Variants in TOP1 observed in about 807,000 individuals in gnomAD.
The protein encoded by TOP1 is DNA topoisomerase 1.
In TOP1, 10 loss-of-function variants were observed where a neutral mutation model predicts 111.1. The ratio of observed to expected loss-of-function variants is 0.09; its 90% CI spans 0.06 to 0.15. The LOEUF (loss-of-function observed/expected upper bound fraction) is 0.15. Among genes scored for constraint, TOP1 ranks in the 10% least tolerant of loss-of-function variants. The pLI, the probability that TOP1 is intolerant of heterozygous loss-of-function variation, is 1.00. For missense variants in TOP1, 474 were observed against 926.7 expected (o/e 0.51, Z 6.34); for synonymous variants, 271 against 302.9 (o/e 0.89, Z 1.10).
intron 2 of TOP1, among the ~76,000 whole-genome samples, chr20:41,059,892 G>GTATA (rs1277827996): frequency 6.6e-6 from 1 of 152,118 alleles, no homozygotes; most frequent in Non-Finnish European, 1.5e-5. Context: ...ACCAAAGAAG[G>GTATA]TATATGAGAG....
At chr20:41,087,465 G>A (rs757789459) in intron 8 of TOP1, among the ~76,000 whole-genome samples, 1 of 152,232 alleles carries the variant, frequency 6.6e-6, no homozygotes, top group Non-Finnish European at 1.5e-5. Flanking sequence ...CAGGTGTTAG[G>A]TGTGACTTTA....
chr20:41,070,830 A>G (rs759491942), intron 3 of TOP1, among the ~76,000 whole-genome samples: 2 of 152,232 alleles, frequency 1.3e-5, no homozygotes, highest in Non-Finnish European at 2.9e-5. Flanking sequence ...AGTCAAGTGC[A>G]TGACCCTGGA....
chr20:41,029,317 C>A lies in TOP1; in HGVS notation c.34-114C>A. On this transcript the variant is annotated intron_variant, in intron 1 of 20. Coordinates refer to ENST00000361337, the MANE Select transcript of TOP1 (RefSeq NM_003286.4). This position sits in a 1 kb window ranked among gnomAD's most constrained non-coding sequence, Gnocchi z 6.1. ...GATGGCTGCCCTCTGTGGCCACCCC[C>A]GGGTCCCCGTCCTCCCCGGGGGCGC... is the stretch of plus-strand genomic sequence containing the variant. The A allele has an allele frequency of 1.0e-6, 1 of 1,000,934 alleles. No homozygotes were observed. The allele number at this position is 1,000,934 out of a possible 1,614,324, so 62.0% of individuals were successfully genotyped here. A position where few individuals can be genotyped will look rare whatever the true frequency, so the allele number is the denominator to read the frequency against.
At chr20:41,036,387 T>A (rs896407102) in intron 2 of TOP1, among the ~76,000 whole-genome samples, 1 of 152,288 alleles carries the variant, frequency 6.6e-6, no homozygotes, top group South Asian at 2.1e-4. Flanking sequence ...TCGAGATAAG[T>A]CCCTGTTCTT....
chr20:41,064,627 G>T (rs1481361772), intron 3 of TOP1, among the ~76,000 whole-genome samples: 1 of 152,136 alleles, frequency 6.6e-6, no homozygotes, highest in East Asian at 1.9e-4. Context: ...TAAACATGCT[G>T]TTGGTTCTGT....
chr20:41,080,178 T>C lies in TOP1; in HGVS notation c.429T>C (p.Asp143=), dbSNP rs1309319018. The change falls in exon 6 of 21, where the codon GAT becomes GAC. Residue 143 remains aspartate, a splice_region_variant and synonymous_variant. Coordinates refer to ENST00000361337, the MANE Select transcript of TOP1 (RefSeq NM_003286.4). This position sits in a 1 kb window ranked among gnomAD's most constrained non-coding sequence, Gnocchi z 5.0. The part of the protein sequence containing the change: ...IKPLKRPRDE[D]DADYKPKKIK... ...CATTAAAGAGACCTCGAGATGAGGA[T>C]GAGTGAGTATTTTCTTAAAACTTTG... 8 of 1,568,944 alleles carry C rather than the reference T, an allele frequency of 5.1e-6. No individual in the cohort carries two copies. The highest frequency in any genetic ancestry group is 6.1e-6 in the Non-Finnish European group (7 of 1,150,240).
chr20:41,113,673 C>A (rs1186951748), intron 14 of TOP1, among the ~76,000 whole-genome samples: 8 of 146,760 alleles, frequency 5.5e-5, no homozygotes, highest in Admixed American at 2.1e-4. Context: ...GTCAAGAGAC[C>A]ATCCTGGCCA....
In TOP1 at chr20:41,095,249, A is replaced by G. The variant is rs953181029; in HGVS notation, c.731-1971A>G. Among the ~76,000 whole-genome samples, 1 of 152,122 alleles carries G rather than the reference A, an allele frequency of 6.6e-6. No homozygotes were observed. Among genetic ancestry groups the G allele is most frequent in the African/African-American group, 2.4e-5 (1 of 41,436 alleles). On this transcript the variant is annotated intron_variant, in intron 9 of 20. Coordinates refer to ENST00000361337, the MANE Select transcript of TOP1 (RefSeq NM_003286.4). This position sits in a 1 kb window ranked among gnomAD's most constrained non-coding sequence, Gnocchi z 4.6. ...TTTTTAATAGAGACAGGGTTTTACC[A>G]TGTTGGTCAAGCTGGTCTGGAACTC...
Position 41,118,060 on chromosome 20 carries a change from G to A in TOP1, c.1823-109G>A, listed in dbSNP as rs2034362243. On this transcript the variant is annotated intron_variant, in intron 17 of 20. Transcript: ENST00000361337. This position sits in a 1 kb window ranked among gnomAD's most constrained non-coding sequence, Gnocchi z 4.6. Reference sequence around the variant, plus strand: ...CAATTTGAATTAATCATCTGAGTAAGATAAGAGCCAGCAAAATCATGGGGA... The same window carrying A: ...CAATTTGAATTAATCATCTGAGTAAAATAAGAGCCAGCAAAATCATGGGGA... The A allele has an allele frequency of 1.6e-6, 2 of 1,265,126 alleles. No homozygotes were observed. The highest frequency in any genetic ancestry group is 5.1e-5 in the Admixed American group (2 of 39,360). 78.4% of individuals were successfully genotyped at this position (1,265,126 alleles called of 1,614,324 possible).
chr20:41,109,299 T>C lies in TOP1; in HGVS notation c.1309-3483T>C, dbSNP rs2034197148. 6.6e-6 allele frequency among the ~76,000 whole-genome samples: 1 copy of C among 152,176 alleles called. No homozygotes were observed. The highest frequency in any genetic ancestry group is 1.5e-5 in the Non-Finnish European group (1 of 68,024). Reference sequence around the variant, plus strand: ...ATATTCTGAGCCTGGCATCTTGGTATAAAATTCAAAACGTTTTAAATCTAT... The same window carrying C: ...ATATTCTGAGCCTGGCATCTTGGTACAAAATTCAAAACGTTTTAAATCTAT... On this transcript the variant is annotated intron_variant, in intron 13 of 20. Coordinates refer to ENST00000361337, the MANE Select transcript of TOP1 (RefSeq NM_003286.4). This position sits in a 1 kb window ranked among gnomAD's most constrained non-coding sequence, Gnocchi z 4.1.
chr20:41,119,423 T>G (rs2034386741), intron 18 of TOP1, among the ~76,000 whole-genome samples: 1 of 152,186 alleles, frequency 6.6e-6, no homozygotes, highest in African/African-American at 2.4e-5. Context: ...AAGACCAACC[T>G]GGGCAACATA....
rs1293433340 is a variant in TOP1, at chr20:41,112,624, G to A, written c.1309-158G>A. 6.6e-6 allele frequency among the ~76,000 whole-genome samples: 1 copy of A among 152,226 alleles called. No homozygotes were observed. Among genetic ancestry groups the A allele is most frequent in the Non-Finnish European group, 1.5e-5 (1 of 68,042 alleles). On this transcript the variant is annotated intron_variant, in intron 13 of 20. Coordinates refer to ENST00000361337, the MANE Select transcript of TOP1 (RefSeq NM_003286.4). The surrounding 1 kb of genome is among the most constrained non-coding windows in gnomAD (Gnocchi z 5.8). ...TGCAGTGGCGTGATCTTGGCTCACT[G>A]CAACCTCTGCCTCCTGCGTTCAAGC...
Position 41,034,821 on chromosome 20 carries a change from G to A in TOP1, c.58+5366G>A, listed in dbSNP as rs1204109683. 1.3e-5 allele frequency among the ~76,000 whole-genome samples: 2 copies of A among 151,608 alleles called. No individual in the cohort carries two copies. The highest frequency in any genetic ancestry group is 1.9e-4 in the East Asian group (1 of 5,162). On this transcript the variant is annotated intron_variant, in intron 2 of 20. Transcript: ENST00000361337. This position sits in a 1 kb window ranked among gnomAD's most constrained non-coding sequence, Gnocchi z 4.0. The stretch of plus-strand genomic sequence containing the variant: ...ATGTGTGTCATTTATGTCTCTTAAC[G>A]TTTAGTAAGAAAGAAATTCCAAGGA...
intron 2 of TOP1, among the ~76,000 whole-genome samples, chr20:41,049,520 C>T (rs80225838): frequency 0.013 from 2,027 of 152,320 alleles, 22 homozygotes; most frequent in Non-Finnish European, 0.018. Context: ...TCTTTTCCAA[C>T]GGTAACATTA....
chr20:41,093,574 AT>A (rs1390599281), intron 9 of TOP1, among the ~76,000 whole-genome samples: 1 of 150,804 alleles, frequency 6.6e-6, no homozygotes, highest in East Asian at 1.9e-4. Flanking sequence ...TTTCTCCACC[AT>A]TTTTCCCACC....
chr20:41,036,728 A>G (rs2033190466), intron 2 of TOP1, among the ~76,000 whole-genome samples: 2 of 152,092 alleles, frequency 1.3e-5, no homozygotes, highest in Admixed American at 1.3e-4. Context: ...CAGAGCCTAC[A>G]CTGATGTCTT....
At chr20:41,072,903 A>G in intron 3 of TOP1, 1 of 985,466 alleles carries the variant, frequency 1.0e-6, no homozygotes, top group African/African-American at 1.7e-5. Flanking sequence ...AGTTAGGAGT[A>G]GAGGAGACTT....
chr20:41,031,114 G>T (rs978162289), intron 2 of TOP1, among the ~76,000 whole-genome samples: 4 of 152,182 alleles, frequency 2.6e-5, no homozygotes, highest in African/African-American at 7.2e-5. Context: ...GGTTGTGGAA[G>T]ACTGGGCGCA....
intron 2 of TOP1, among the ~76,000 whole-genome samples, chr20:41,036,561 G>C (rs1156798758): frequency 6.6e-6 from 1 of 152,160 alleles, no homozygotes; most frequent in Non-Finnish European, 1.5e-5. Context: ...TTCTCAACTG[G>C]ATCTTTATTT....
Sources: gnomAD v4.1 joint callset for allele counts (sites outside exome capture counted in the v4.1 genomes callset) on GRCh38, gnomAD v4.1.1 for gene constraint, Gnocchi (gnomAD v3.1) non-coding constraint, MANE v1.5 for transcripts, NCBI Gene and HGNC (gene_info 2026-07-23, HGNC 2026-07-21) for gene names.